REV3L: variants seen among roughly 807,000 people sequenced by gnomAD.
REV3L encodes DNA polymerase zeta catalytic subunit.
REV3L carries 69 observed loss-of-function variants against 299.4 expected under a neutral mutation model. The ratio of observed to expected loss-of-function variants is 0.23; its 90% CI spans 0.19 to 0.28. The LOEUF is 0.28. Among genes scored for constraint, REV3L ranks in the 10% least tolerant of loss-of-function variants. The pLI is 1.00. For synonymous variants in REV3L, 1,238 were observed against 1,271.4 expected (o/e 0.97, Z 0.56); for missense variants, 3,128 against 3,693.8 (o/e 0.85, Z 3.97).
Position 111,461,050 on chromosome 6 carries a change from T to G in REV3L, c.139+21700A>C, listed in dbSNP as rs566524714. Among the ~76,000 whole-genome samples, 5 of 152,256 alleles carry G rather than the reference T, an allele frequency of 3.3e-5. No individual in the cohort carries two copies. In the East Asian group the frequency reaches 9.6e-4, roughly 29 times the overall value. ...TGGTAACAGTTACTAGCTTATGTAT[T>G]TATTATATACTTTATCATTATTTTA... On this transcript the variant is annotated intron_variant, in intron 1 of 31. Transcript: ENST00000368802.
intron 20 of REV3L, among the ~76,000 whole-genome samples, chr6:111,344,935 T>G (rs1322902077): frequency 6.6e-6 from 1 of 152,214 alleles, no homozygotes; most frequent in Non-Finnish European, 1.5e-5. Flanking sequence ...TGGTCTTACT[T>G]TATCTACAAT....
In REV3L at chr6:111,375,085, T is replaced by C. The variant is rs1420797913; in HGVS notation, c.3270A>G (p.Pro1090=). 4 of 1,613,924 alleles carry C rather than the reference T, an allele frequency of 2.5e-6. No individual in the cohort carries two copies. Among genetic ancestry groups the C allele is most frequent in the Non-Finnish European group, 2.5e-6 (3 of 1,179,908 alleles). The part of the protein sequence containing the change: ...RSHAILSPPS[P]SYNAETEDCD... ...AATCTTCGGTTTCAGCATTGTAAGA[T>C]GGTGAGGGAGGAGAAAGAATAGCAT... The change falls in exon 13 of 32, where the codon CCA becomes CCG. Residue 1090 remains proline (P), a synonymous_variant. Coordinates refer to ENST00000368802, the MANE Select transcript of REV3L (RefSeq NM_001372078.1).
chr6:111,371,370 CAT>C (rs769466074), intron 13 of REV3L, among the ~76,000 whole-genome samples: 16 of 152,130 alleles, frequency 1.1e-4, no homozygotes, highest in South Asian at 6.2e-4. Flanking sequence ...CGTGCGCTCA[CAT>C]GTTTGTCTAT....
Position 111,372,633 on chromosome 6 carries a change from A to G in REV3L, c.5722T>C (p.Phe1908Leu). The part of the protein sequence containing the change: ...DLSETIYQEP[F>L]CSNPSDVPEK... ...GGTACATCAGAAGGATTACTGCAAAATGGTTCCTGGTAAATAGTCTCAGAC... is the reference window on the plus strand; with the variant it reads ...GGTACATCAGAAGGATTACTGCAAAGTGGTTCCTGGTAAATAGTCTCAGAC... The change falls in exon 13 of 32, where the codon TTT becomes CTT. Residue 1908 changes from phenylalanine to leucine, a missense_variant. By Grantham distance (22) the Phe-to-Leu change is conservative. Transcript: ENST00000368802. 1 of 1,513,090 alleles carries G rather than the reference A, an allele frequency of 6.6e-7. No homozygotes were observed. Among genetic ancestry groups the G allele is most frequent in the Non-Finnish European group, 8.8e-7 (1 of 1,132,778 alleles). 93.7% of individuals were successfully genotyped at this position (1,513,090 alleles called of 1,614,324 possible).
intron 4 of REV3L, among the ~76,000 whole-genome samples, chr6:111,402,479 T>G (rs900710317): frequency 6.6e-6 from 1 of 152,214 alleles, no homozygotes; most frequent in East Asian, 1.9e-4. Context: ...CAAAAGTTGC[T>G]TTAAGCGTTC....
chr6:111,346,401 A>T (rs1451487938), intron 20 of REV3L, among the ~76,000 whole-genome samples: 3 of 152,242 alleles, frequency 2.0e-5, no homozygotes, highest in Non-Finnish European at 4.4e-5. Flanking sequence ...AAAGTCCATA[A>T]GGAAACTGCA....
chr6:111,396,128 G>C (rs1451748261), intron 4 of REV3L, among the ~76,000 whole-genome samples: 4 of 152,114 alleles, frequency 2.6e-5, no homozygotes, highest in Non-Finnish European at 4.4e-5. Context: ...CTGGGCTCAA[G>C]CCATCCTCCT....
chr6:111,332,060 A>G (rs2114833298), intron 23 of REV3L, among the ~76,000 whole-genome samples: 1 of 152,226 alleles, frequency 6.6e-6, no homozygotes, highest in African/African-American at 2.4e-5. Context: ...ACATCTGATC[A>G]TCTTATTTAT....
rs3218597 is a variant in REV3L, at chr6:111,374,450, C to G, written c.3905G>C (p.Ser1302Thr). The G allele has an allele frequency of 4.1e-4, 662 of 1,613,926 alleles. 2 individuals carry two copies. In the African/African-American group the frequency reaches 8.1e-3, roughly 20 times the overall value. The change falls in exon 13 of 32, where the codon AGC (serine) becomes ACC (threonine). Residue 1302 changes from serine to threonine, a missense_variant. Coordinates refer to ENST00000368802, the MANE Select transcript of REV3L (RefSeq NM_001372078.1). Reference protein sequence around the residue: ...LSGCFSSFLESKKSVDLQTFP... With the variant: ...LSGCFSSFLETKKSVDLQTFP... ...TGTCTGCAAATCTACAGACTTCTTG[C>G]TTTCTAAGAAAGAAGAAAAGCAGCC...
At chr6:111,305,602 T>A (rs1363974209) in intron 31 of REV3L, among the ~76,000 whole-genome samples, 1 of 151,364 alleles carries the variant, frequency 6.6e-6, no homozygotes, top group Non-Finnish European at 1.5e-5. Context: ...TAAAATAAAA[T>A]AAAAATAAAT....
chr6:111,406,680 G>C (rs117890231), intron 3 of REV3L, among the ~76,000 whole-genome samples: 1 of 152,096 alleles, frequency 6.6e-6, no homozygotes, highest in East Asian at 1.9e-4. Context: ...GTTAGTGGTG[G>C]TGCAATTATT....
intron 13 of REV3L, among the ~76,000 whole-genome samples, chr6:111,370,062 A>T (rs988623107): frequency 6.6e-6 from 1 of 152,094 alleles, no homozygotes; most frequent in Non-Finnish European, 1.5e-5. Context: ...CGATCTCCTG[A>T]CCTTGTGATC....
Position 111,300,115 on chromosome 6 carries a change from T to C in REV3L, c.9294A>G (p.Pro3098=), listed in dbSNP as rs757664835. The change falls in exon 32 of 32, where the codon CCA becomes CCG. Residue 3098 remains proline, a synonymous_variant. Transcript: ENST00000368802. ...NCTGCFDRHI[P]CVSLNCPVLF... ...GTACTGGGCAGTTCAGAGAAACACA[T>C]GGGATGTGTCGATCAAAGCAACCTG... 18 of 1,613,072 alleles carry C rather than the reference T, an allele frequency of 1.1e-5. No homozygotes were observed. The highest frequency in any genetic ancestry group is 2.7e-5 in the African/African-American group (2 of 74,892).
chr6:111,346,273 C>G (rs1398777050), intron 20 of REV3L, among the ~76,000 whole-genome samples: 1 of 152,162 alleles, frequency 6.6e-6, no homozygotes, highest in Non-Finnish European at 1.5e-5. Context: ...GACTTGACAT[C>G]CAGAAGGCCT....
chr6:111,468,407 T>C (rs1323358681), intron 1 of REV3L, among the ~76,000 whole-genome samples: 2 of 152,162 alleles, frequency 1.3e-5, no homozygotes, highest in Non-Finnish European at 2.9e-5. Flanking sequence ...TTTACTAATA[T>C]ATGAAGGCTC....
chr6:111,306,821 T>A (rs1020258843), intron 31 of REV3L, among the ~76,000 whole-genome samples: 1 of 152,232 alleles, frequency 6.6e-6, no homozygotes. Context: ...AGTAGAGCAA[T>A]TGAGACTTTT....
At chr6:111,451,025 T>C (rs1789476008) in intron 1 of REV3L, among the ~76,000 whole-genome samples, 1 of 152,210 alleles carries the variant, frequency 6.6e-6, no homozygotes, top group Admixed American at 6.5e-5. Flanking sequence ...CATAATGAGT[T>C]TCCATAAAAA....
At chr6:111,403,519 G>C (rs1783311598) in intron 4 of REV3L, among the ~76,000 whole-genome samples, 1 of 152,148 alleles carries the variant, frequency 6.6e-6, no homozygotes, top group African/African-American at 2.4e-5. Flanking sequence ...TCAAACCTGT[G>C]AACAGTGATC....
At chr6:111,444,950 C>T (rs182255716) in intron 1 of REV3L, among the ~76,000 whole-genome samples, 2 of 152,242 alleles carry the variant, frequency 1.3e-5, no homozygotes, top group South Asian at 2.1e-4. Context: ...GTGGCCAAAG[C>T]GAAGGAGATT....
Sources: gnomAD v4.1 joint callset for allele counts (sites outside exome capture counted in the v4.1 genomes callset) on GRCh38, gnomAD v4.1.1 for gene constraint, MANE v1.5 for transcripts, NCBI Gene and HGNC (gene_info 2026-07-23, HGNC 2026-07-21) for gene names.